The following SEC24C variants were observed in gnomAD, a reference collection of about 807,000 sequenced individuals.
SEC24C encodes the protein protein transport protein Sec24C.
SEC24C carries 22 observed loss-of-function variants against 117.0 expected under a neutral mutation model. That is an observed-to-expected ratio of 0.19 (90% confidence interval 0.13 to 0.27). The LOEUF (loss-of-function observed/expected upper bound fraction) is 0.27. Ranked by LOEUF, SEC24C falls within the 10% of genes least tolerant of loss-of-function variation. The pLI is 1.00. For missense variants in SEC24C, 1,155 were observed against 1,375.1 expected (o/e 0.84, Z 2.53); for synonymous variants, 506 against 529.4 (o/e 0.96, Z 0.61).
Position 73,770,035 on chromosome 10 carries a change from T to C in SEC24C, c.2862+20T>C. 4 of 1,611,832 alleles carry C rather than the reference T, an allele frequency of 2.5e-6. No homozygotes were observed. The highest frequency in any genetic ancestry group is 2.5e-6 in the Non-Finnish European group (3 of 1,178,224). On this transcript the variant is annotated intron_variant, in intron 20 of 22. Coordinates refer to ENST00000345254, the MANE Select transcript of SEC24C (RefSeq NM_198597.3). ...CCTTTGGTGCGATTGAGGGTTGGAG[T>C]ATGAGATCTTGCACGGAGCAAAGGG...
intron 2 of SEC24C, among the ~76,000 whole-genome samples, chr10:73,750,186 G>C (rs942690202): frequency 1.3e-5 from 2 of 152,222 alleles, no homozygotes; most frequent in African/African-American, 4.8e-5. Flanking sequence ...TCATGAGAAA[G>C]CTTTGTTAGA....
intron 2 of SEC24C, among the ~76,000 whole-genome samples, chr10:73,749,651 C>A (rs1435080550): frequency 6.6e-6 from 1 of 151,520 alleles, no homozygotes; most frequent in African/African-American, 2.4e-5. Context: ...TCAAGCAGTT[C>A]TCCTGTCTCA....
At chr10:73,762,883 G>A (rs966652701) in intron 6 of SEC24C, among the ~76,000 whole-genome samples, 3 of 152,164 alleles carry the variant, frequency 2.0e-5, no homozygotes, top group Admixed American at 1.3e-4. Context: ...TATAAGGATT[G>A]GGTACTTCTC....
intron 2 of SEC24C, among the ~76,000 whole-genome samples, chr10:73,747,552 C>G (rs1406898952): frequency 6.6e-5 from 10 of 151,922 alleles, no homozygotes; most frequent in Non-Finnish European, 7.4e-5. Flanking sequence ...GGGGGTTTCA[C>G]CATCTTGGCC....
At chr10:73,765,201 CCTCTTCTCTTT>C (rs2082862694) in intron 8 of SEC24C, among the ~76,000 whole-genome samples, 5 of 152,188 alleles carry the variant, frequency 3.3e-5, no homozygotes, top group African/African-American at 1.2e-4. Flanking sequence ...TTTTGCATTT[CCTCTTCTCTTT>C]CAGTGAGAAA....
At chr10:73,764,128 CCCAGGGCCCATG>C in intron 8 of SEC24C, 145 bp downstream of exon 8, 1 of 1,117,168 alleles carries the variant, frequency 9.0e-7, no homozygotes, top group East Asian at 2.7e-5. Context: ...GGCTTTCTAT[CCCAGGGCCCATG>C]CCTGGAGAGG....
At chr10:73,763,706 T>TAA in intron 7 of SEC24C, 105 bp downstream of exon 7, 1 of 681,258 alleles carries the variant, frequency 1.5e-6, no homozygotes, top group Non-Finnish European at 2.2e-6. Context: ...TTTTAGTTTT[T>TAA]AACCAGAGAC....
chr10:73,752,421 G>A (rs1377705493), intron 3 of SEC24C, among the ~76,000 whole-genome samples: 3 of 152,176 alleles, frequency 2.0e-5, no homozygotes, highest in Non-Finnish European at 4.4e-5. Context: ...ACTGCACCTG[G>A]TCAGGAGTGT....
chr10:73,768,731 TGGAAGGG>T, intron 15 of SEC24C, 72 bp from the exon 16 acceptor site: 1 of 1,315,572 alleles, frequency 7.6e-7, no homozygotes, highest in African/African-American at 1.4e-5. Flanking sequence ...CCTTGTAGAG[TGGAAGGG>T]GTACAGGGAG....
intron 1 of SEC24C, among the ~76,000 whole-genome samples, chr10:73,745,694 C>T (rs900233805): frequency 4.6e-5 from 7 of 151,562 alleles, no homozygotes; most frequent in African/African-American, 1.7e-4. Flanking sequence ...GGATTACAGG[C>T]GTGTGCCACC....
intron 6 of SEC24C, among the ~76,000 whole-genome samples, chr10:73,763,125 G>A (rs2082822975): frequency 6.6e-6 from 1 of 152,180 alleles, no homozygotes; most frequent in African/African-American, 2.4e-5. Flanking sequence ...GGCATGATGG[G>A]GGAGGGGAAT....
chr10:73,762,352 A>T (rs2082810692), intron 6 of SEC24C, among the ~76,000 whole-genome samples: 1 of 152,144 alleles, frequency 6.6e-6, no homozygotes, highest in South Asian at 2.1e-4. Context: ...TCACCAGGTA[A>T]TGAAGAGGTA....
In SEC24C at chr10:73,766,483, G is replaced by T. The variant is rs78664043; in HGVS notation, c.1741G>T (p.Val581Leu). ...TGTGTCTGATGTGGCTGACATGTTT[G>T]TGCCACTGCTGGATGGCTTCCTGGT... ...MVVSDVADMF[V>L]PLLDGFLVNV... The change falls in exon 12 of 23, where the codon GTG (valine) becomes TTG (leucine). Residue 581 changes from valine to leucine, a missense_variant. By Grantham distance (32) the Val-to-Leu change is conservative. Transcript: ENST00000345254. 6.2e-7 allele frequency: 1 copy of T among 1,613,896 alleles called. No homozygotes were observed. Among genetic ancestry groups the T allele is most frequent in the South Asian group, 1.1e-5 (1 of 91,070 alleles).
chr10:73,747,876 C>T (rs1471394136), intron 2 of SEC24C, among the ~76,000 whole-genome samples: 1 of 151,982 alleles, frequency 6.6e-6, no homozygotes, highest in Non-Finnish European at 1.5e-5. Context: ...TCAGGCTGGT[C>T]TTGAACTCCC....
At chr10:73,759,160 C>A (rs1044480675) in intron 3 of SEC24C, among the ~76,000 whole-genome samples, 1 of 151,434 alleles carries the variant, frequency 6.6e-6, no homozygotes, top group Non-Finnish European at 1.5e-5. Context: ...CACACCACTG[C>A]ACTTCAGCCT....
At chr10:73,765,698 A>G in intron 9 of SEC24C, 102 bp from the exon 10 acceptor site, 1 of 1,564,976 alleles carries the variant, frequency 6.4e-7, no homozygotes, top group South Asian at 1.1e-5. Flanking sequence ...CTGGGGAAGT[A>G]GGGCACATGG....
rs923308381 is a variant in SEC24C at position 73,769,378 on chromosome 10, A to G, written c.2456A>G (p.Gln819Arg). 1.9e-6 allele frequency: 3 copies of G among 1,613,938 alleles called. No homozygotes were observed. The highest frequency in any genetic ancestry group is 1.3e-5 in the African/African-American group (1 of 74,902). ...CTGCTTTACACCAGCTGTGCAGGGC[A>G]GCGTCGGCTCCGCATCCATAATCTG... is the stretch of plus-strand genomic sequence containing the variant. The part of the protein sequence containing the change: ...CALLYTSCAG[Q>R]RRLRIHNLAL... The change falls in exon 18 of 23, where the codon CAG (glutamine) becomes CGG (arginine). Residue 819 changes from glutamine (Q) to arginine (R), a missense_variant. Gln to Arg is a conservative substitution (Grantham distance 43). Transcript: ENST00000345254. The surrounding 1 kb of genome is among the most constrained non-coding windows in gnomAD (Gnocchi z 4.5).
At chr10:73,766,602 ATGGAGT>A (rs1344988270) in intron 12 of SEC24C, 61 bp downstream of exon 12, 23 of 1,541,332 alleles carry the variant, frequency 1.5e-5, no homozygotes, top group Non-Finnish European at 2.0e-5. Flanking sequence ...ATAGAAGGTC[ATGGAGT>A]TGAACAGAGG....
intron 15 of SEC24C, 21 bp from the exon 16 acceptor site, chr10:73,768,789 T>C: frequency 1.9e-6 from 3 of 1,612,188 alleles, no homozygotes; most frequent in Non-Finnish European, 8.5e-7. Flanking sequence ...GTGACATGAC[T>C]CTGGACCTGG....
Sources: allele counts gnomAD v4.1 joint callset (sites outside exome capture counted in the v4.1 genomes callset), GRCh38; gene constraint gnomAD v4.1.1; non-coding constraint Gnocchi (gnomAD v3.1); transcripts MANE v1.5; gene names NCBI Gene and HGNC (gene_info 2026-07-23, HGNC 2026-07-21).